The following GNA12 variants were observed in gnomAD, a reference collection of about 807,000 sequenced individuals.
GNA12 encodes the protein guanine nucleotide-binding protein subunit alpha-12.
Under a neutral mutation model 26.0 loss-of-function variants are expected in GNA12, and 9 were observed. That is an observed-to-expected ratio of 0.35 (90% confidence interval 0.21 to 0.60). The LOEUF is 0.60. Ranked by LOEUF, GNA12 falls within the 20% of genes least tolerant of loss-of-function variation. The pLI, the probability that GNA12 is intolerant of heterozygous loss-of-function variation, is 0.78. For missense variants in GNA12, 405 were observed against 525.8 expected (o/e 0.77, Z 2.25); for synonymous variants, 264 against 219.6 (o/e 1.20, Z -1.79).
At chr7:2,794,761 A>C in intron 2 of GNA12, 167 bp downstream of exon 2, 1 of 615,278 alleles carries the variant, frequency 1.6e-6, no homozygotes, top group Non-Finnish European at 2.9e-6. Context: ...CCTTTTATAT[A>C]GCATCTGCCT....
At chr7:2,826,251 G>A (rs1406261018) in intron 1 of GNA12, among the ~76,000 whole-genome samples, 1 of 151,854 alleles carries the variant, frequency 6.6e-6, no homozygotes, top group East Asian at 1.9e-4. Flanking sequence ...GGTGGTGGAT[G>A]CCTGTAATCC....
intron 2 of GNA12, among the ~76,000 whole-genome samples, chr7:2,744,246 T>G (rs1397707396): frequency 7.2e-5 from 11 of 152,076 alleles, no homozygotes; most frequent in Non-Finnish European, 1.6e-4. Flanking sequence ...TGACCCTGAG[T>G]AGCCTAACTG....
intron 2 of GNA12, chr7:2,762,444 C>T (rs1791605653): frequency 5.7e-6 from 3 of 521,786 alleles, no homozygotes; most frequent in African/African-American, 4.0e-5. Flanking sequence ...AAAAACGCTA[C>T]TTAACTCCAA....
At chr7:2,776,047 T>A (rs1792067976) in intron 2 of GNA12, among the ~76,000 whole-genome samples, 1 of 151,804 alleles carries the variant, frequency 6.6e-6, no homozygotes, top group African/African-American at 2.4e-5. Flanking sequence ...TAACAATGGG[T>A]CTTTTGATTT....
chr7:2,762,463 C>T, intron 2 of GNA12: 1 of 609,422 alleles, frequency 1.6e-6, no homozygotes, highest in South Asian at 3.0e-5. Flanking sequence ...AAAGTCCAGC[C>T]TCTGAACCCA....
At chr7:2,812,238 T>C (rs1318034165) in intron 1 of GNA12, among the ~76,000 whole-genome samples, 1 of 152,264 alleles carries the variant, frequency 6.6e-6, no homozygotes, top group East Asian at 1.9e-4. Flanking sequence ...TTCTTCAGAA[T>C]TATGGTAAAT....
At chr7:2,840,698 A>C (rs184716652) in intron 1 of GNA12, among the ~76,000 whole-genome samples, 8 of 152,182 alleles carry the variant, frequency 5.3e-5, no homozygotes, top group African/African-American at 7.2e-5. Flanking sequence ...ATCTCTACAA[A>C]AATGAGCTGG....
At position 2,843,947 on chromosome 7, in the gene GNA12, G is replaced by T. The variant is rs1395349919; in HGVS notation, c.215C>A (p.Thr72Lys). Residue 72 changes from threonine to lysine, a missense_variant, in exon 1 of 4, where the codon ACG (threonine) becomes AAG (lysine). By Grantham distance (78) the Thr-to-Lys change is moderately conservative. Transcript: ENST00000275364. ...GATGATGCGCATCTGCTTGAGGAAC[G>T]TGGACTTGCCGCTCTCGCCCGCGCC... ...LLGAGESGKS[T>K]FLKQMRIIHG... The T allele has an allele frequency of 6.3e-7, 1 of 1,592,646 alleles. No homozygotes were observed. Among genetic ancestry groups the T allele is most frequent in the South Asian group, 1.1e-5 (1 of 88,124 alleles).
At chr7:2,759,619 T>C (rs1791464685) in intron 2 of GNA12, among the ~76,000 whole-genome samples, 1 of 152,224 alleles carries the variant, frequency 6.6e-6, no homozygotes, top group Admixed American at 6.5e-5. Context: ...TTGATGTTTT[T>C]CATCTGAGTG....
chr7:2,762,296 C>T (rs547442744), intron 2 of GNA12: 2 of 273,870 alleles, frequency 7.3e-6, no homozygotes, highest in East Asian at 6.4e-5. Context: ...GCGGGGCCGG[C>T]GTGCACCCAC....
At chr7:2,781,009 C>G (rs1393772779) in intron 2 of GNA12, among the ~76,000 whole-genome samples, 1 of 152,210 alleles carries the variant, frequency 6.6e-6, no homozygotes, top group Non-Finnish European at 1.5e-5. Flanking sequence ...ACATCCTTGC[C>G]AATTCTTGGC....
chr7:2,791,580 C>T (rs1792520044), intron 2 of GNA12, among the ~76,000 whole-genome samples: 1 of 152,210 alleles, frequency 6.6e-6, no homozygotes, highest in Admixed American at 6.5e-5. Context: ...GACAGCAATT[C>T]TCAAAGCAGC....
intron 1 of GNA12, among the ~76,000 whole-genome samples, chr7:2,816,741 C>A (rs115158731): frequency 5.0e-4 from 76 of 152,280 alleles, no homozygotes; most frequent in African/African-American, 1.8e-3. Flanking sequence ...TCACTGAACA[C>A]CTACTCTGTC....
chr7:2,731,543 T>C lies in GNA12; in HGVS notation c.784A>G (p.Met262Val), dbSNP rs1371708745. Residue 262 changes from methionine (M) to valine (V), a missense_variant, in exon 4 of 4, where the codon ATG becomes GTG. Transcript: ENST00000275364. The surrounding 1 kb of genome is among the most constrained non-coding windows in gnomAD (Gnocchi z 6.0). ...VSSSEYDQVL[M>V]EDRRTNRLVE... ...AGCCGGTTGGTGCGCCTGTCCTCCA[T>C]GAGGACCTGGTCGTACTCGCTGGAG... is the stretch of plus-strand genomic sequence containing the variant. 4 of 1,611,268 alleles carry C rather than the reference T, an allele frequency of 2.5e-6. No individual in the cohort carries two copies. Among genetic ancestry groups the C allele is most frequent in the South Asian group, 1.1e-5 (1 of 90,904 alleles).
chr7:2,788,426 T>A (rs1390684452), intron 2 of GNA12, among the ~76,000 whole-genome samples: 1 of 152,180 alleles, frequency 6.6e-6, no homozygotes, highest in African/African-American at 2.4e-5. Flanking sequence ...CCCACCCTCC[T>A]CTGGCTCATA....
chr7:2,780,646 C>T (rs1427291197), intron 2 of GNA12, among the ~76,000 whole-genome samples: 1 of 152,072 alleles, frequency 6.6e-6, no homozygotes, highest in African/African-American at 2.4e-5. Context: ...TGAATGTAAA[C>T]ACACTATATG....
chr7:2,770,844 T>C (rs10487577), intron 2 of GNA12, among the ~76,000 whole-genome samples: 5,321 of 152,310 alleles, frequency 0.035, 275 homozygotes, highest in African/African-American at 0.1. Flanking sequence ...ATAGGAATAC[T>C]GGCACTGCCT....
At position 2,737,082 on chromosome 7, in the gene GNA12, G is replaced by A. The variant is rs1790220025; in HGVS notation, c.526-3581C>T. 9.2e-5 allele frequency among the ~76,000 whole-genome samples: 14 copies of A among 152,224 alleles called. No homozygotes were observed. The South Asian group carries it at 2.9e-3, about 32-fold the overall frequency. On this transcript the variant is annotated intron_variant, in intron 2 of 3. Transcript: ENST00000275364. ...TGTGCATTAAAGACAGCCCATGTGT[G>A]GGTCCCACTGGGGAGTGAGAGGAAA... is the stretch of plus-strand genomic sequence containing the variant.
intron 2 of GNA12, among the ~76,000 whole-genome samples, chr7:2,772,258 G>A (rs1791967476): frequency 6.6e-6 from 1 of 152,172 alleles, no homozygotes; most frequent in African/African-American, 2.4e-5. Flanking sequence ...CTGGCCAACA[G>A]ATGTACAAAA....
Sources: allele counts gnomAD v4.1 joint callset (sites outside exome capture counted in the v4.1 genomes callset), GRCh38; gene constraint gnomAD v4.1.1; non-coding constraint Gnocchi (gnomAD v3.1); transcripts MANE v1.5; gene names NCBI Gene and HGNC (gene_info 2026-07-23, HGNC 2026-07-21).